The following YTHDF1 variants were observed in gnomAD, a reference collection of about 807,000 sequenced individuals.
The protein encoded by YTHDF1 is YTH domain-containing family protein 1.
A neutral mutation model predicts 49.1 loss-of-function variants in YTHDF1; 16 were observed. The ratio of observed to expected loss-of-function variants is 0.33; its 90% CI spans 0.22 to 0.49. The LOEUF is 0.49. YTHDF1 is among the 20% of genes least tolerant of loss of function. YTHDF1 has a pLI of 0.99. For synonymous variants in YTHDF1, 313 were observed against 290.1 expected (o/e 1.08, Z -0.80); for missense variants, 621 against 744.3 (o/e 0.83, Z 1.93).
intron 3 of YTHDF1, among the ~76,000 whole-genome samples, chr20:63,209,893 C>T (rs2066565929): frequency 6.6e-6 from 1 of 152,210 alleles, no homozygotes; most frequent in African/African-American, 2.4e-5. Context: ...CTGGATTCCT[C>T]CTGAAGAACC....
Position 63,216,083 on chromosome 20 carries a change from G to A in YTHDF1, c.-191C>T. 1 of 254,748 alleles carries A rather than the reference G, an allele frequency of 3.9e-6. No individual in the cohort carries two copies. Among genetic ancestry groups the A allele is most frequent in the Non-Finnish European group, 6.1e-6 (1 of 163,014 alleles). The allele number at this position is 254,748 out of a possible 1,614,324, so 15.8% of individuals were successfully genotyped here. A position where few individuals can be genotyped will look rare whatever the true frequency, so the allele number is the denominator to read the frequency against. On this transcript the variant is annotated 5_prime_UTR_variant, in exon 1 of 5. Transcript: ENST00000370339. ...GCGGCAGCGGCGGTGAGCCCGGGAC[G>A]CGGACGCACTGAGGAGGCGTCGACT...
intron 3 of YTHDF1, among the ~76,000 whole-genome samples, chr20:63,204,433 G>A (rs2066535032): frequency 6.6e-6 from 1 of 152,186 alleles, no homozygotes; most frequent in African/African-American, 2.4e-5. Flanking sequence ...CTTCCTAGCA[G>A]ATGGCCCCTG....
intron 3 of YTHDF1, among the ~76,000 whole-genome samples, chr20:63,208,386 C>A (rs2122986299): frequency 6.6e-6 from 1 of 152,312 alleles, no homozygotes; most frequent in East Asian, 1.9e-4. Flanking sequence ...CCAGGATGAC[C>A]TGTTCTTCAG....
intron 3 of YTHDF1, among the ~76,000 whole-genome samples, chr20:63,204,524 G>T (rs951967617): frequency 4.6e-5 from 7 of 152,196 alleles, no homozygotes; most frequent in African/African-American, 1.7e-4. Context: ...CTGCACAGAG[G>T]GCCCTGGCTG....
intron 3 of YTHDF1, among the ~76,000 whole-genome samples, chr20:63,206,717 T>C (rs779140716): frequency 3.9e-5 from 6 of 152,388 alleles, no homozygotes; most frequent in Middle Eastern, 3.4e-3. Context: ...TTTCCATTTT[T>C]ACCTCAATCT....
chr20:63,206,021 G>T (rs868651158), intron 3 of YTHDF1, among the ~76,000 whole-genome samples: 1 of 151,488 alleles, frequency 6.6e-6, no homozygotes, highest in Non-Finnish European at 1.5e-5. Flanking sequence ...GCCCAGACTG[G>T]GGGGGTGAGC....
chr20:63,213,701 A>G (rs1280326840), intron 3 of YTHDF1, among the ~76,000 whole-genome samples, 163 bp downstream of exon 3: 1 of 152,208 alleles, frequency 6.6e-6, no homozygotes, highest in Non-Finnish European at 1.5e-5. Flanking sequence ...CTGATGCCCA[A>G]GGTTAACAGG....
Position 63,203,015 on chromosome 20 carries a change from G to T in YTHDF1, c.925C>A (p.Pro309Thr). ...QQVAQPLPAQ[P>T]PALAQPQYQS... ...TACTGCGGTTGAGCCAAAGCTGGGG[G>T]CTGTGCTGGGAGAGGCTGAGCCACC... The change falls in exon 4 of 5, where the codon CCC becomes ACC. Residue 309 changes from proline (P) to threonine (T), a missense_variant. Physicochemically the swap from Pro to Thr is conservative, Grantham distance 38. Coordinates refer to ENST00000370339, the MANE Select transcript of YTHDF1 (RefSeq NM_017798.4). The surrounding 1 kb of genome is among the most constrained non-coding windows in gnomAD (Gnocchi z 4.4). 2 of 1,611,234 alleles carry T rather than the reference G, an allele frequency of 1.2e-6. No homozygotes were observed. The highest frequency in any genetic ancestry group is 1.7e-6 in the Non-Finnish European group (2 of 1,178,802).
chr20:63,205,279 A>G (rs1024658162), intron 3 of YTHDF1, among the ~76,000 whole-genome samples: 1 of 152,146 alleles, frequency 6.6e-6, no homozygotes, highest in African/African-American at 2.4e-5. Context: ...AGACTGTGGG[A>G]TCCCAGACAA....
chr20:63,203,488 T>G lies in YTHDF1; in HGVS notation c.452A>C (p.Tyr151Ser). ...ACCCAGGGAGCTCGGGGGGTAGGTG[T>G]AGCTGCTCCCATACGCGGAGCTCTG... Reference protein sequence around the residue: ...QTQSSAYGSSYTYPPSSLGGT... With the variant: ...QTQSSAYGSSSTYPPSSLGGT... The change falls in exon 4 of 5, where the codon TAC becomes TCC. Residue 151 changes from tyrosine to serine, a missense_variant. Around this residue, in one of 2 missense-constraint regions of YTHDF1, gnomAD observed 470 missense variants for 495.8 expected, o/e 0.95. Coordinates refer to ENST00000370339, the MANE Select transcript of YTHDF1 (RefSeq NM_017798.4). The surrounding 1 kb of genome is among the most constrained non-coding windows in gnomAD (Gnocchi z 4.4). 1.2e-6 allele frequency: 2 copies of G among 1,613,618 alleles called. No homozygotes were observed. Among genetic ancestry groups the G allele is most frequent in the Non-Finnish European group, 1.7e-6 (2 of 1,179,994 alleles).
intron 3 of YTHDF1, among the ~76,000 whole-genome samples, chr20:63,205,539 C>CA (rs111565320): frequency 0.01 from 1,540 of 151,036 alleles, 23 homozygotes; most frequent in African/African-American, 0.035. Flanking sequence ...GACGAAGTCT[C>CA]ACTTTGTCGC....
At chr20:63,214,037 T>A in intron 2 of YTHDF1, 94 bp from the exon 3 acceptor site, 1 of 1,473,428 alleles carries the variant, frequency 6.8e-7, no homozygotes, top group Non-Finnish European at 9.0e-7. Flanking sequence ...TTCCATCTAT[T>A]TCTAGCAGAA....
intron 3 of YTHDF1, among the ~76,000 whole-genome samples, chr20:63,209,704 T>C (rs1568994064): frequency 6.6e-6 from 1 of 152,126 alleles, no homozygotes; most frequent in Non-Finnish European, 1.5e-5. Context: ...GGAGAGACCC[T>C]GCCTCAAAAC....
intron 3 of YTHDF1, among the ~76,000 whole-genome samples, chr20:63,210,581 C>A (rs1010456085): frequency 6.6e-6 from 1 of 151,704 alleles, no homozygotes; most frequent in Non-Finnish European, 1.5e-5. Flanking sequence ...GTCGGGAGTT[C>A]GAGACCAGCC....
At chr20:63,199,167 G>T (rs985013697) in intron 4 of YTHDF1, among the ~76,000 whole-genome samples, 1 of 152,198 alleles carries the variant, frequency 6.6e-6, no homozygotes, top group African/African-American at 2.4e-5. Context: ...AAACCGCCCG[G>T]GGGCTCTACC....
intron 4 of YTHDF1, among the ~76,000 whole-genome samples, chr20:63,199,665 C>T (rs944313154): frequency 1.2e-4 from 19 of 152,222 alleles, no homozygotes; most frequent in African/African-American, 4.3e-4. Context: ...AAGCACAAGG[C>T]CTAGAGCACC....
chr20:63,215,232 C>CCCTCT (rs1291938104), intron 2 of YTHDF1, among the ~76,000 whole-genome samples: 5 of 152,182 alleles, frequency 3.3e-5, no homozygotes, highest in South Asian at 2.1e-4. Flanking sequence ...CTTGGACTGC[C>CCCTCT]CCTCTCCTAG....
chr20:63,214,012 G>A, intron 2 of YTHDF1, 69 bp from the exon 3 acceptor site: 1 of 1,529,734 alleles, frequency 6.5e-7, no homozygotes, highest in East Asian at 2.4e-5. Flanking sequence ...GGAAGGCAAA[G>A]TTAGCAAAGT....
intron 3 of YTHDF1, among the ~76,000 whole-genome samples, chr20:63,204,856 C>T (rs570329518): frequency 2.0e-5 from 3 of 152,080 alleles, no homozygotes; most frequent in Non-Finnish European, 4.4e-5. Context: ...TGATTGGGTC[C>T]CTCCAACACT....
Sources: gnomAD v4.1 joint callset for allele counts (sites outside exome capture counted in the v4.1 genomes callset) on GRCh38, gnomAD v4.1.1 for gene constraint, gnomAD v4.1.1 regional missense constraint, Gnocchi (gnomAD v3.1) non-coding constraint, MANE v1.5 for transcripts, NCBI Gene and HGNC (gene_info 2026-07-23, HGNC 2026-07-21) for gene names.